ZNF503: variants seen among roughly 807,000 people sequenced by gnomAD.
ZNF503 encodes zinc finger protein 503.
A neutral mutation model predicts 34.4 loss-of-function variants in ZNF503; 15 were observed. That is an observed-to-expected ratio of 0.44 (90% CI 0.29 to 0.67). ZNF503 has a LOEUF of 0.67. ZNF503 is among the 30% of genes least tolerant of loss of function. The pLI is 0.13. For missense variants in ZNF503, 1,007 were observed against 926.8 expected, an observed-to-expected ratio of 1.09 and a Z score of -1.12; for synonymous variants, 580 against 456.8, an observed-to-expected ratio of 1.27 and a Z score of -3.44.
Position 75,398,363 on chromosome 10 carries a change from CT to C in ZNF503, c.*385del, listed in dbSNP as rs1477468094. On this transcript the variant is annotated 3_prime_UTR_variant, in exon 2 of 2. Transcript: ENST00000372524. ...AAAATTTTTCCCACCTCCTTTTTACCTACAGAGCTCAAACTAAATAATGCAC... is the reference window on the plus strand; with the variant it reads ...AAAATTTTTCCCACCTCCTTTTTACCACAGAGCTCAAACTAAATAATGCAC... 7 of 169,910 alleles carry C rather than the reference CT, an allele frequency of 4.1e-5. No homozygotes were observed. The highest frequency in any genetic ancestry group is 7.5e-5 in the Non-Finnish European group (6 of 80,376). 10.5% of individuals were successfully genotyped at this position (169,910 alleles called of 1,614,324 possible).
chr10:75,296,855 C>CA, the ZNF503 span, among the ~76,000 whole-genome samples: 1 of 152,138 alleles, frequency 6.6e-6, no homozygotes, highest in African/African-American at 2.4e-5. Context: ...CCCATGAACT[C>CA]AGAGGAGAAA....
rs756201269 is a variant in ZNF503 at position 75,399,917 on chromosome 10, G to T, written c.773C>A (p.Thr258Asn). The T allele has an allele frequency of 2.1e-5, 33 of 1,606,036 alleles. No homozygotes were observed. In the Admixed American group the frequency reaches 2.3e-4, roughly 11 times the overall value. ...APEGKDDKKD[T>N]DVGGGGKGTG... ...GCCCTTGCCACCGCCGCCCACGTCG[G>T]TGTCTTTCTTGTCGTCCTTGCCCTC... Residue 258 changes from threonine to asparagine, a missense_variant, in exon 2 of 2, where the codon ACC (threonine) becomes AAC (asparagine). Transcript: ENST00000372524.
At chr10:75,310,278 C>T in the ZNF503 span, among the ~76,000 whole-genome samples, 3 of 152,180 alleles carry the variant, frequency 2.0e-5, no homozygotes, top group African/African-American at 7.2e-5. Context: ...ACTCAAGGGA[C>T]GTTTGGGACC....
At chr10:75,294,889 G>A in the ZNF503 span, among the ~76,000 whole-genome samples, 1 of 152,130 alleles carries the variant, frequency 6.6e-6, no homozygotes, top group African/African-American at 2.4e-5. Flanking sequence ...TTTTCTGTCA[G>A]CCTGTCACGG....
At position 75,401,333 on chromosome 10, in the gene ZNF503, G is replaced by T; in HGVS notation, c.87C>A (p.Asp29Glu). 6.5e-7 allele frequency: 1 copy of T among 1,540,712 alleles called. No individual in the cohort carries two copies. Among genetic ancestry groups the T allele is most frequent in the Non-Finnish European group, 8.7e-7 (1 of 1,147,832 alleles). Reference sequence around the variant, plus strand: ...CAGAGAGCGCGCTGGTCCAGGCAGGGTCTGCACCGCCGCCTCCGCCTCCGC... The same window carrying T: ...CAGAGAGCGCGCTGGTCCAGGCAGGTTCTGCACCGCCGCCTCCGCCTCCGC... The part of the protein sequence containing the change: ...GGGGGGGGGA[D>E]PAWTSALSGN... Residue 29 changes from aspartate to glutamate, a missense_variant, in exon 1 of 2, where the codon GAC becomes GAA. By Grantham distance (45) the Asp-to-Glu change is conservative. Coordinates refer to ENST00000372524, the MANE Select transcript of ZNF503 (RefSeq NM_032772.6).
At chr10:75,289,888 G>T in the ZNF503 span, among the ~76,000 whole-genome samples, 11 of 152,098 alleles carry the variant, frequency 7.2e-5, no homozygotes. Context: ...TAAATGTACA[G>T]CTCAGTGTTA....
the ZNF503 span, among the ~76,000 whole-genome samples, chr10:75,344,905 A>G: frequency 5.9e-4 from 90 of 152,286 alleles, no homozygotes; most frequent in African/African-American, 2.1e-3. Flanking sequence ...CTCTCCAATC[A>G]TGTAGCCTCT....
chr10:75,398,316 C>G lies in ZNF503; in HGVS notation c.*433G>C, dbSNP rs1379767222. On this transcript the variant is annotated 3_prime_UTR_variant, in exon 2 of 2. Transcript: ENST00000372524. Reference sequence around the variant, plus strand: ...ACAAGGGATGGGAGGGTTTGTTTTCCACATTTTTACCCTCAAGTTTTAAAA... The same window carrying G: ...ACAAGGGATGGGAGGGTTTGTTTTCGACATTTTTACCCTCAAGTTTTAAAA... 1 of 157,900 alleles carries G rather than the reference C, an allele frequency of 6.3e-6. No homozygotes were observed. Among genetic ancestry groups the G allele is most frequent in the African/African-American group, 2.4e-5 (1 of 41,644 alleles). The allele number at this position is 157,900 out of a possible 1,614,324, so 9.8% of individuals were successfully genotyped here. A position where few individuals can be genotyped will look rare whatever the true frequency, so the allele number is the denominator to read the frequency against.
At chr10:75,369,253 CTTACTATAA>C in the ZNF503 span, among the ~76,000 whole-genome samples, 2 of 152,172 alleles carry the variant, frequency 1.3e-5, no homozygotes, top group Non-Finnish European at 2.9e-5. Flanking sequence ...CCAAGCCCTC[CTTACTATAA>C]TTATGTATTG....
At chr10:75,345,826 C>A in the ZNF503 span, among the ~76,000 whole-genome samples, 3 of 152,046 alleles carry the variant, frequency 2.0e-5, no homozygotes. Context: ...CCAGGCATTC[C>A]GTGCTGTGGG....
At chr10:75,350,888 C>T in the ZNF503 span, among the ~76,000 whole-genome samples, 2 of 152,086 alleles carry the variant, frequency 1.3e-5, no homozygotes, top group South Asian at 4.2e-4. Context: ...TAATATCACA[C>T]GTAAGGTGTC....
chr10:75,391,099 T>A, the ZNF503 span, among the ~76,000 whole-genome samples: 4 of 152,204 alleles, frequency 2.6e-5, no homozygotes, highest in Non-Finnish European at 5.9e-5. Flanking sequence ...TACAGTTACA[T>A]TGGGGTGTAG....
the ZNF503 span, among the ~76,000 whole-genome samples, chr10:75,347,580 T>TGA: frequency 1.6e-4 from 24 of 152,348 alleles, no homozygotes; most frequent in Non-Finnish European, 2.9e-4. Flanking sequence ...TGCCCTTCCC[T>TGA]GAGATGGCAC....
At chr10:75,330,156 T>C in the ZNF503 span, among the ~76,000 whole-genome samples, 1 of 152,260 alleles carries the variant, frequency 6.6e-6, no homozygotes, top group Non-Finnish European at 1.5e-5. Flanking sequence ...TGTACCACAT[T>C]TATTGACCTG....
the ZNF503 span, among the ~76,000 whole-genome samples, chr10:75,391,997 G>A: frequency 3.3e-5 from 5 of 152,298 alleles, no homozygotes; most frequent in South Asian, 2.1e-4. Context: ...GGCCTGGGGC[G>A]TTCCAGAAGG....
the ZNF503 span, among the ~76,000 whole-genome samples, chr10:75,366,373 G>C: frequency 6.6e-6 from 1 of 152,184 alleles, no homozygotes; most frequent in Non-Finnish European, 1.5e-5. Context: ...AAAAAACACC[G>C]TCTGCTCATA....
At chr10:75,311,730 T>C in the ZNF503 span, among the ~76,000 whole-genome samples, 2 of 143,250 alleles carry the variant, frequency 1.4e-5, no homozygotes, top group Non-Finnish European at 3.1e-5. Flanking sequence ...CTTGGGAGGC[T>C]GAGGCCTCCT....
chr10:75,322,365 G>A, the ZNF503 span, among the ~76,000 whole-genome samples: 9 of 151,952 alleles, frequency 5.9e-5, no homozygotes, highest in African/African-American at 9.6e-5. Context: ...CTCGTGATCC[G>A]CCTGCCTCAG....
At chr10:75,391,824 C>T in the ZNF503 span, among the ~76,000 whole-genome samples, 3,335 of 152,084 alleles carry the variant, frequency 0.022, 101 homozygotes, top group East Asian at 0.12. Context: ...ATTTATTGAG[C>T]ACCTACTATG....
Sources: allele counts gnomAD v4.1 joint callset (sites outside exome capture counted in the v4.1 genomes callset), GRCh38; gene constraint gnomAD v4.1.1; transcripts MANE v1.5; gene names NCBI Gene and HGNC (gene_info 2026-07-23, HGNC 2026-07-21).